The following ELAPOR2 variants were observed in gnomAD, a reference collection of about 807,000 sequenced individuals.
The protein encoded by ELAPOR2 is endosome-lysosome associated apoptosis and autophagy regulator family member 2.
In ELAPOR2, 89 loss-of-function variants were observed where a neutral mutation model predicts 120.7. That is an observed-to-expected ratio of 0.74 (90% CI 0.62 to 0.88). ELAPOR2 has a LOEUF of 0.88. Ranked by LOEUF, ELAPOR2 falls within the 40% of genes least tolerant of loss-of-function variation. The probability of loss-of-function intolerance (pLI) is 0.00; values close to 1 mark genes in which losing one functional copy is unlikely to be tolerated. For synonymous variants in ELAPOR2, 444 were observed against 444.9 expected, an observed-to-expected ratio of 1.00 and a Z score of 0.03; for missense variants, 1,134 against 1,251.6, an observed-to-expected ratio of 0.91 and a Z score of 1.42.
intron 1 of ELAPOR2, among the ~76,000 whole-genome samples, chr7:86,989,843 C>A (rs1292700117): frequency 1.3e-5 from 2 of 150,228 alleles, no homozygotes; most frequent in Non-Finnish European, 3.0e-5. Flanking sequence ...ATTATAAGTC[C>A]CTAAAATTCA....
intron 1 of ELAPOR2, among the ~76,000 whole-genome samples, chr7:86,967,851 T>C (rs1443480497): frequency 6.6e-6 from 1 of 152,144 alleles, no homozygotes; most frequent in African/African-American, 2.4e-5. Flanking sequence ...CTCTTAGGAG[T>C]TCAGCAGGAA....
intron 2 of ELAPOR2, among the ~76,000 whole-genome samples, chr7:86,962,875 C>T (rs182634544): frequency 3.3e-5 from 5 of 152,296 alleles, no homozygotes; most frequent in Admixed American, 3.3e-4. Flanking sequence ...AGCAGCCAAA[C>T]ACTAATGAGT....
intron 1 of ELAPOR2, among the ~76,000 whole-genome samples, chr7:87,056,529 G>A (rs1795267976): frequency 6.6e-6 from 1 of 152,172 alleles, no homozygotes; most frequent in Non-Finnish European, 1.5e-5. Context: ...ATCGCTTCCT[G>A]TTTGTGCGTG....
chr7:86,957,202 T>C (rs1391579283), intron 2 of ELAPOR2, among the ~76,000 whole-genome samples: 1 of 152,248 alleles, frequency 6.6e-6, no homozygotes, highest in Non-Finnish European at 1.5e-5. Flanking sequence ...TAACTTTGTC[T>C]TCGCACACCT....
chr7:87,045,103 A>C (rs1794907890), intron 1 of ELAPOR2, among the ~76,000 whole-genome samples: 1 of 115,214 alleles, frequency 8.7e-6, no homozygotes, highest in Non-Finnish European at 1.7e-5. Context: ...AAAAGTCAGG[A>C]AACAACAGGT....
At chr7:86,999,658 G>A (rs1214896153) in intron 1 of ELAPOR2, among the ~76,000 whole-genome samples, 1 of 151,988 alleles carries the variant, frequency 6.6e-6, no homozygotes, top group African/African-American at 2.4e-5. Flanking sequence ...CCCTCTTTAG[G>A]GAAAATTAAG....
chr7:86,995,786 T>C (rs1767744), intron 1 of ELAPOR2, among the ~76,000 whole-genome samples: 57,525 of 152,068 alleles, frequency 0.38, 11,736 homozygotes, highest in African/African-American at 0.53. Context: ...CCCCAGGAGT[T>C]TATTTTTATA....
intron 1 of ELAPOR2, among the ~76,000 whole-genome samples, chr7:86,985,218 A>G (rs1792677317): frequency 6.6e-6 from 1 of 152,220 alleles, no homozygotes; most frequent in Non-Finnish European, 1.5e-5. Flanking sequence ...CCAATCAAAA[A>G]AAGTTCAGGA....
At chr7:86,891,960 G>A in intron 20 of ELAPOR2, 71 bp from the exon 21 acceptor site, 1 of 979,092 alleles carries the variant, frequency 1.0e-6, no homozygotes, top group South Asian at 1.9e-5. Flanking sequence ...CTTATTTTAG[G>A]TGGTAATATA....
rs577486813 is a variant in ELAPOR2 at position 86,944,444 on chromosome 7, A to C, written c.654+455T>G. On this transcript the variant is annotated intron_variant, in intron 4 of 21. Coordinates refer to ENST00000450689, the MANE Select transcript of ELAPOR2 (RefSeq NM_001142749.3). ...CTACTTCTGAAAAAAAATTGCTCAT[A>C]AATACACTTAAATAATTTTTGTTAG... 1.3e-4 allele frequency among the ~76,000 whole-genome samples: 20 copies of C among 152,260 alleles called. No homozygotes were observed. In the East Asian group the frequency reaches 2.1e-3, roughly 16 times the overall value.
At chr7:86,903,210 G>T (rs1318817339) in intron 18 of ELAPOR2, among the ~76,000 whole-genome samples, 1 of 152,146 alleles carries the variant, frequency 6.6e-6, no homozygotes, top group African/African-American at 2.4e-5. Flanking sequence ...TTTATATCAT[G>T]TCTTAAGAGT....
At chr7:86,945,952 T>A (rs1020424816) in intron 3 of ELAPOR2, among the ~76,000 whole-genome samples, 3 of 152,114 alleles carry the variant, frequency 2.0e-5, no homozygotes, top group South Asian at 2.1e-4. Context: ...ATATTTATTA[T>A]ATAAATATAT....
chr7:87,019,645 T>C (rs913714259), intron 1 of ELAPOR2, among the ~76,000 whole-genome samples: 12 of 152,166 alleles, frequency 7.9e-5, no homozygotes, highest in Non-Finnish European at 1.6e-4. Flanking sequence ...TGAATAAAAG[T>C]ATATTGGCAA....
intron 1 of ELAPOR2, among the ~76,000 whole-genome samples, chr7:87,024,492 C>G (rs1177473417): frequency 6.6e-6 from 1 of 152,102 alleles, no homozygotes. Context: ...ATTTCTGCAT[C>G]AATGTTCATC....
intron 18 of ELAPOR2, 124 bp from the exon 19 acceptor site, chr7:86,897,756 C>A: frequency 3.6e-6 from 4 of 1,102,086 alleles, no homozygotes; most frequent in Admixed American, 4.8e-5. Context: ...TGAAGAAACA[C>A]AAGTGGAAAA....
intron 18 of ELAPOR2, among the ~76,000 whole-genome samples, chr7:86,904,742 A>G (rs943306368): frequency 6.6e-6 from 1 of 152,158 alleles, no homozygotes; most frequent in African/African-American, 2.4e-5. Flanking sequence ...TTCACTTTCT[A>G]TTAAGACTTT....
At chr7:86,907,254 T>A (rs1217320159) in intron 18 of ELAPOR2, among the ~76,000 whole-genome samples, 2 of 152,072 alleles carry the variant, frequency 1.3e-5, no homozygotes, top group Non-Finnish European at 1.5e-5. Flanking sequence ...AGAAAAAAGC[T>A]ATGACTCAGA....
At chr7:86,938,048 C>T (rs7797095) in intron 8 of ELAPOR2, 78 bp downstream of exon 8, 163,112 of 1,093,294 alleles carry the variant, frequency 0.15, 13,374 homozygotes, top group Non-Finnish European at 0.17. Flanking sequence ...ATATCTCTCA[C>T]GAACAAATTA....
chr7:86,920,362 C>T (rs149776072), intron 10 of ELAPOR2, among the ~76,000 whole-genome samples: 8 of 151,980 alleles, frequency 5.3e-5, no homozygotes, highest in Admixed American at 4.6e-4. Context: ...GACAACAGGC[C>T]CTTGACTGCA....
Sources: allele counts gnomAD v4.1 joint callset (sites outside exome capture counted in the v4.1 genomes callset), GRCh38; gene constraint gnomAD v4.1.1; transcripts MANE v1.5; gene names NCBI Gene and HGNC (gene_info 2026-07-23, HGNC 2026-07-21).